GDA: variants seen among roughly 807,000 people sequenced by gnomAD.
GDA encodes guanine deaminase.
A neutral mutation model predicts 59.6 loss-of-function variants in GDA; 18 were observed. That is an observed-to-expected ratio of 0.30 (90% CI 0.21 to 0.45). The LOEUF (loss-of-function observed/expected upper bound fraction) is 0.45. GDA is among the 20% of genes least tolerant of loss of function. The pLI is 1.00. For missense variants in GDA, 427 were observed against 552.3 expected, an observed-to-expected ratio of 0.77 and a Z score of 2.27; for synonymous variants, 201 against 201.1, an observed-to-expected ratio of 1.00 and a Z score of 0.00.
intron 3 of GDA, among the ~76,000 whole-genome samples, chr9:72,207,020 G>A (rs1371526853): frequency 6.6e-6 from 1 of 151,852 alleles, no homozygotes; most frequent in East Asian, 1.9e-4. Context: ...AGCATCCAAT[G>A]TGCTGACATC....
chr9:72,202,752 TTG>T lies in GDA; in HGVS notation c.384+17_384+18del. The T allele has an allele frequency of 6.3e-7, 1 of 1,596,674 alleles. No individual in the cohort carries two copies. On this transcript the variant is annotated intron_variant, in intron 3 of 13. Transcript: ENST00000358399. ...ATATACCAGAGTTGTCGTAAGTATCTTGTGTGTGAGTGTGGTATTCTGTTTGG... is the reference window on the plus strand; with the variant it reads ...ATATACCAGAGTTGTCGTAAGTATCTTGTGTGAGTGTGGTATTCTGTTTGG...
At chr9:72,181,896 T>G (rs912330042) in intron 1 of GDA, among the ~76,000 whole-genome samples, 1 of 152,278 alleles carries the variant, frequency 6.6e-6, no homozygotes, top group African/African-American at 2.4e-5. Flanking sequence ...AAAAAATGAT[T>G]CAAAAAGTTA....
chr9:72,240,134 A>G (rs535767237), intron 10 of GDA, among the ~76,000 whole-genome samples: 1 of 152,242 alleles, frequency 6.6e-6, no homozygotes, highest in Non-Finnish European at 1.5e-5. Flanking sequence ...ATGATTAGGG[A>G]CTTTATTTAA....
chr9:72,157,341 C>T (rs7849653), intron 1 of GDA, among the ~76,000 whole-genome samples: 28,302 of 152,100 alleles, frequency 0.19, 2,995 homozygotes, highest in African/African-American at 0.3. Flanking sequence ...GTAGCCAGCC[C>T]AGACTTCTTT....
At chr9:72,205,694 C>T (rs1016304619) in intron 3 of GDA, among the ~76,000 whole-genome samples, 1 of 152,158 alleles carries the variant, frequency 6.6e-6, no homozygotes, top group African/African-American at 2.4e-5. Context: ...TTGGCTGAGA[C>T]TCAGCTATTT....
intron 2 of GDA, among the ~76,000 whole-genome samples, chr9:72,201,647 T>C (rs140601665): frequency 6.6e-6 from 1 of 152,300 alleles, no homozygotes; most frequent in Non-Finnish European, 1.5e-5. Flanking sequence ...AATACTTACC[T>C]AGGATAATGG....
At chr9:72,229,704 T>C (rs72727244) in intron 9 of GDA, among the ~76,000 whole-genome samples, 2,361 of 152,280 alleles carry the variant, frequency 0.016, 44 homozygotes, top group Non-Finnish European at 0.025. Context: ...AGAAAGCTCC[T>C]AGGCAAAGAG....
intron 5 of GDA, among the ~76,000 whole-genome samples, chr9:72,218,974 G>C (rs1836498890): frequency 6.6e-6 from 1 of 152,136 alleles, no homozygotes. Context: ...TCCATCTCTG[G>C]CTGCAAGTAA....
At chr9:72,128,976 T>C (rs936101258) in intron 1 of GDA, among the ~76,000 whole-genome samples, 28 of 152,086 alleles carry the variant, frequency 1.8e-4, no homozygotes, top group Non-Finnish European at 4.0e-4. Context: ...CTTTTCTTTT[T>C]TTTTTTGACA....
intron 1 of GDA, among the ~76,000 whole-genome samples, chr9:72,185,154 C>G (rs1831709273): frequency 6.6e-6 from 1 of 152,154 alleles, no homozygotes; most frequent in South Asian, 2.1e-4. Flanking sequence ...TTAAGTAGTT[C>G]AATAGACACA....
intron 4 of GDA, among the ~76,000 whole-genome samples, chr9:72,211,843 A>T (rs1184788634): frequency 6.6e-6 from 1 of 152,268 alleles, no homozygotes; most frequent in Non-Finnish European, 1.5e-5. Context: ...GGCAGATGGG[A>T]GGGTTCACAT....
chr9:72,215,878 A>G (rs1836048031), intron 5 of GDA, among the ~76,000 whole-genome samples: 1 of 152,238 alleles, frequency 6.6e-6, no homozygotes, highest in African/African-American at 2.4e-5. Flanking sequence ...AAAGACTTGC[A>G]GGTAAATGTT....
chr9:72,233,746 A>T (rs1838634278), intron 10 of GDA, among the ~76,000 whole-genome samples: 1 of 152,154 alleles, frequency 6.6e-6, no homozygotes, highest in Non-Finnish European at 1.5e-5. Flanking sequence ...GTTTGAGATC[A>T]GCCTTGGCAA....
In GDA at chr9:72,157,030, CTTTTTTT is replaced by C. The variant is rs544126638; in HGVS notation, c.123+7368_123+7374del. On this transcript the variant is annotated intron_variant, in intron 1 of 13. Coordinates refer to ENST00000358399, the MANE Select transcript of GDA (RefSeq NM_004293.5). ...GTCTACTATCAGACTTCTAGACTTC[CTTTTTTT>C]TTTTTTTTTTTTTTTTTTTGAGATG... 1.2e-4 allele frequency among the ~76,000 whole-genome samples: 13 copies of C among 104,088 alleles called. No individual in the cohort carries two copies. The East Asian group carries it at 1.6e-3, about 13-fold the overall frequency. 68.3% of individuals were successfully genotyped at this position (104,088 alleles called of 152,430 possible).
intron 6 of GDA, among the ~76,000 whole-genome samples, chr9:72,221,439 A>G (rs17579286): frequency 0.16 from 24,443 of 152,122 alleles, 2,182 homozygotes; most frequent in Middle Eastern, 0.29. Context: ...GAAACCCCGT[A>G]CTTCCACCGA....
chr9:72,114,972 T>C (rs1564141302), intron 1 of GDA: 1 of 152,118 alleles, frequency 6.6e-6, no homozygotes. Flanking sequence ...AAGTTTATTT[T>C]TGATGGACCT....
rs1454699885 is a variant in GDA at position 72,248,356 on chromosome 9, C to G, written c.*14C>G. On this transcript the variant is annotated 3_prime_UTR_variant, in exon 14 of 14. Transcript: ENST00000358399. ...AGCTCAGTGTAAGACCCTCGGGCGTCTACAAAGTTCTCCTGGGATTAGCGT... is the reference window on the plus strand; with the variant it reads ...AGCTCAGTGTAAGACCCTCGGGCGTGTACAAAGTTCTCCTGGGATTAGCGT... 2 of 1,613,618 alleles carry G rather than the reference C, an allele frequency of 1.2e-6. No homozygotes were observed. Among genetic ancestry groups the G allele is most frequent in the Admixed American group, 1.7e-5 (1 of 60,018 alleles).
intron 6 of GDA, among the ~76,000 whole-genome samples, chr9:72,222,435 C>G (rs1186584942): frequency 1.3e-5 from 2 of 151,898 alleles, no homozygotes; most frequent in African/African-American, 4.8e-5. Context: ...ATAAATTTGT[C>G]TAAGTTCCTT....
At chr9:72,130,618 A>G (rs1450262064) in intron 1 of GDA, among the ~76,000 whole-genome samples, 1 of 152,216 alleles carries the variant, frequency 6.6e-6, no homozygotes, top group Non-Finnish European at 1.5e-5. Flanking sequence ...GGTGTATTGA[A>G]ATAGACATAT....
Sources: gnomAD v4.1 joint callset for allele counts (sites outside exome capture counted in the v4.1 genomes callset) on GRCh38, gnomAD v4.1.1 for gene constraint, MANE v1.5 for transcripts, NCBI Gene and HGNC (gene_info 2026-07-23, HGNC 2026-07-21) for gene names.